Variants in ULK4 observed in about 807,000 individuals in gnomAD.
ULK4 encodes the protein inactive serine/threonine-protein kinase ULK4.
A neutral mutation model predicts 160.6 loss-of-function variants in ULK4; 133 were observed. The observed-to-expected ratio is 0.83, with a 90% confidence interval of 0.72 to 0.96. The LOEUF is 0.96. Ranked by LOEUF, ULK4 falls within the 40% of genes least tolerant of loss-of-function variation. The pLI is 0.00. For synonymous variants in ULK4, 534 were observed against 539.8 expected, an observed-to-expected ratio of 0.99 and a Z score of 0.15; for missense variants, 1,580 against 1,499.5, an observed-to-expected ratio of 1.05 and a Z score of -0.89.
intron 35 of ULK4, among the ~76,000 whole-genome samples, chr3:41,293,695 T>C (rs954861448): frequency 8.5e-5 from 13 of 152,192 alleles, no homozygotes; most frequent in South Asian, 2.1e-4. Flanking sequence ...GGTAAAATAA[T>C]AGTAGCTCAC....
At chr3:41,337,311 G>C (rs560062858) in intron 35 of ULK4, among the ~76,000 whole-genome samples, 1 of 152,284 alleles carries the variant, frequency 6.6e-6, no homozygotes, top group East Asian at 1.9e-4. Context: ...AAGACTCCCT[G>C]TATGAGGTTG....
chr3:41,742,207 C>T (rs73828242), intron 22 of ULK4, among the ~76,000 whole-genome samples: 17,445 of 151,834 alleles, frequency 0.11, 3,530 homozygotes, highest in African/African-American at 0.39. Flanking sequence ...CTGAGAAGTA[C>T]AGGCAAAGCA....
At chr3:41,620,117 T>A (rs59672117) in intron 30 of ULK4, among the ~76,000 whole-genome samples, 9,320 of 152,056 alleles carry the variant, frequency 0.061, 964 homozygotes, top group African/African-American at 0.21. Context: ...TGAGGGAGTA[T>A]TTAATAACCT....
intron 35 of ULK4, among the ~76,000 whole-genome samples, chr3:41,350,450 T>C (rs751917078): frequency 2.2e-4 from 33 of 152,252 alleles, no homozygotes; most frequent in Non-Finnish European, 4.0e-4. Context: ...TTTTAATGTT[T>C]ATTATGTGTA....
At chr3:41,315,912 C>T (rs777742643) in intron 35 of ULK4, among the ~76,000 whole-genome samples, 1 of 152,180 alleles carries the variant, frequency 6.6e-6, no homozygotes, top group Non-Finnish European at 1.5e-5. Context: ...ATAAAGAGGT[C>T]GAGAAATCAG....
chr3:41,648,409 C>G lies in ULK4; in HGVS notation c.3071+15198G>C, dbSNP rs143774497. Among the ~76,000 whole-genome samples the G allele has an allele frequency of 3.4e-3, 513 of 152,162 alleles. 3 individuals are homozygous for G. The highest frequency in any genetic ancestry group is 0.011 in the African/African-American group (470 of 41,510). On this transcript the variant is annotated intron_variant, in intron 30 of 36. Coordinates refer to ENST00000301831, the MANE Select transcript of ULK4 (RefSeq NM_017886.4). ...AGGATAGTACCAAATGACTACAGCT[C>G]CAAATAGAATTATGTAAACAATAAC... is the stretch of plus-strand genomic sequence containing the variant.
intron 32 of ULK4, among the ~76,000 whole-genome samples, chr3:41,473,103 A>C (rs1172155834): frequency 6.6e-6 from 1 of 152,214 alleles, no homozygotes; most frequent in Non-Finnish European, 1.5e-5. Flanking sequence ...CAACATAATA[A>C]AGGACATAGA....
At chr3:41,749,319 C>G (rs2038534445) in intron 22 of ULK4, among the ~76,000 whole-genome samples, 1 of 152,060 alleles carries the variant, frequency 6.6e-6, no homozygotes, top group African/African-American at 2.4e-5. Context: ...CCCGTCCCTA[C>G]TAAAAATACA....
chr3:41,832,742 T>C (rs1341797146), intron 18 of ULK4, among the ~76,000 whole-genome samples: 1 of 152,226 alleles, frequency 6.6e-6, no homozygotes, highest in Non-Finnish European at 1.5e-5. Context: ...GCATCCAGTT[T>C]CAGTTTTCTG....
intron 5 of ULK4, among the ~76,000 whole-genome samples, chr3:41,925,765 C>G (rs1185620732): frequency 6.6e-6 from 1 of 152,006 alleles, no homozygotes; most frequent in Non-Finnish European, 1.5e-5. Flanking sequence ...GTTTTACCCT[C>G]ACAGCATAAA....
At chr3:41,668,230 G>T (rs2035413908) in intron 29 of ULK4, among the ~76,000 whole-genome samples, 3 of 152,128 alleles carry the variant, frequency 2.0e-5, no homozygotes, top group Admixed American at 6.5e-5. Context: ...AAACTTTAGG[G>T]TTTGAGGAAT....
chr3:41,292,364 G>A (rs1255864275), intron 35 of ULK4, among the ~76,000 whole-genome samples: 1 of 152,154 alleles, frequency 6.6e-6, no homozygotes, highest in Non-Finnish European at 1.5e-5. Context: ...CTGGACTTTT[G>A]TTCAAGCCTC....
At chr3:41,950,532 C>G (rs577464844) in intron 2 of ULK4, among the ~76,000 whole-genome samples, 1 of 151,814 alleles carries the variant, frequency 6.6e-6, no homozygotes, top group Non-Finnish European at 1.5e-5. Context: ...CATGAGCCAC[C>G]GCGCCTGGCC....
chr3:41,509,819 A>T (rs2085509238), intron 32 of ULK4, among the ~76,000 whole-genome samples: 1 of 152,250 alleles, frequency 6.6e-6, no homozygotes, highest in Non-Finnish European at 1.5e-5. Flanking sequence ...AGAACTGCTA[A>T]AAAGAGCTCT....
intron 22 of ULK4, among the ~76,000 whole-genome samples, chr3:41,740,269 A>G (rs1575633233): frequency 6.6e-6 from 1 of 152,072 alleles, no homozygotes; most frequent in Non-Finnish European, 1.5e-5. Context: ...TTTTAAAATC[A>G]AAGCAGATTT....
intron 32 of ULK4, among the ~76,000 whole-genome samples, chr3:41,558,948 C>T (rs1241779641): frequency 7.2e-6 from 1 of 138,444 alleles, no homozygotes; most frequent in Non-Finnish European, 1.6e-5. Context: ...CATATGTATA[C>T]ATGTGCCATG....
intron 2 of ULK4, among the ~76,000 whole-genome samples, chr3:41,948,719 C>A (rs1385780764): frequency 4.9e-5 from 3 of 61,234 alleles, no homozygotes; most frequent in Non-Finnish European, 3.6e-5. Flanking sequence ...ATTCAACAAC[C>A]TTTAAAAAAA....
rs536858291 is a variant in ULK4, at chr3:41,508,715, T to G, written c.3227-45462A>C. ...CTCTGCTGGGTGGCTAGACCCAGAATAGCAAAAACAATCACCGCAGGTTGG... is the reference window on the plus strand; with the variant it reads ...CTCTGCTGGGTGGCTAGACCCAGAAGAGCAAAAACAATCACCGCAGGTTGG... On this transcript the variant is annotated intron_variant, in intron 32 of 36. Coordinates refer to ENST00000301831, the MANE Select transcript of ULK4 (RefSeq NM_017886.4). 1.1e-4 allele frequency among the ~76,000 whole-genome samples: 16 copies of G among 152,136 alleles called. No homozygotes were observed. The East Asian group carries it at 2.5e-3, about 24-fold the overall frequency.
intron 30 of ULK4, among the ~76,000 whole-genome samples, chr3:41,650,699 G>A (rs1473910358): frequency 1.3e-5 from 2 of 152,228 alleles, no homozygotes; most frequent in African/African-American, 4.8e-5. Context: ...AGCCGAGTGG[G>A]CAGAACGAGC....
Sources: gnomAD v4.1 joint callset for allele counts (sites outside exome capture counted in the v4.1 genomes callset) on GRCh38, gnomAD v4.1.1 for gene constraint, MANE v1.5 for transcripts, NCBI Gene and HGNC (gene_info 2026-07-23, HGNC 2026-07-21) for gene names.